Variants in DENND1A observed in about 807,000 individuals in gnomAD.
DENND1A encodes the protein DENN domain containing 1A, also known as DENN domain-containing protein 1A.
In DENND1A, 51 loss-of-function variants were observed where a neutral mutation model predicts 113.7. That is an observed-to-expected ratio of 0.45 (90% CI 0.36 to 0.57). The LOEUF (loss-of-function observed/expected upper bound fraction) is 0.57, where lower values mean the gene tolerates loss of function less well. Ranked by LOEUF, DENND1A falls within the 20% of genes least tolerant of loss-of-function variation. DENND1A has a pLI of 0.00. For synonymous variants in DENND1A, 565 were observed against 570.8 expected (o/e 0.99, Z 0.14); for missense variants, 1,258 against 1,395.9 (o/e 0.90, Z 1.57).
intron 19 of DENND1A, among the ~76,000 whole-genome samples, chr9:123,434,484 ACAAT>A (rs1483238023): frequency 6.6e-6 from 1 of 152,260 alleles, no homozygotes; most frequent in Non-Finnish European, 1.5e-5. Context: ...TGCTTCAACA[ACAAT>A]CAATTATTCC....
intron 11 of DENND1A, among the ~76,000 whole-genome samples, chr9:123,597,168 C>T (rs1359946995): frequency 6.6e-6 from 1 of 152,208 alleles, no homozygotes; most frequent in East Asian, 1.9e-4. Flanking sequence ...CCCATCTCCA[C>T]CTGCCTTTTA....
At chr9:123,555,796 G>A (rs762638952) in intron 13 of DENND1A, among the ~76,000 whole-genome samples, 12 of 152,140 alleles carry the variant, frequency 7.9e-5, no homozygotes, top group Non-Finnish European at 1.3e-4. Flanking sequence ...AACTCCTCCC[G>A]TGGAGGAGCC....
chr9:123,396,020 A>G (rs1171620956), intron 21 of DENND1A, among the ~76,000 whole-genome samples: 2 of 152,016 alleles, frequency 1.3e-5, no homozygotes, highest in Admixed American at 1.3e-4. Context: ...ACAAAGAGAA[A>G]GCTACAACAT....
At chr9:123,686,790 T>C (rs1379140056) in intron 5 of DENND1A, among the ~76,000 whole-genome samples, 1 of 152,236 alleles carries the variant, frequency 6.6e-6, no homozygotes, top group East Asian at 1.9e-4. Flanking sequence ...AAACAGACTG[T>C]GTTGCCTTTT....
At chr9:123,400,209 C>A (rs2043358647) in intron 21 of DENND1A, 1 of 152,196 alleles carries the variant, frequency 6.6e-6, no homozygotes, top group African/African-American at 2.4e-5. Flanking sequence ...TTGCCAACGG[C>A]CAGTTTTAAG....
intron 13 of DENND1A, among the ~76,000 whole-genome samples, chr9:123,548,509 T>C (rs1423167662): frequency 6.6e-6 from 1 of 152,124 alleles, no homozygotes; most frequent in Non-Finnish European, 1.5e-5. Flanking sequence ...ATTTTGGAGG[T>C]TCCTCAAAAA....
chr9:123,476,465 T>C (rs1386938324), intron 13 of DENND1A, among the ~76,000 whole-genome samples: 3 of 152,164 alleles, frequency 2.0e-5, no homozygotes, highest in Non-Finnish European at 4.4e-5. Context: ...GCTCCTTCCC[T>C]GTGAGTTTCA....
At chr9:123,393,813 C>G (rs7045176) in intron 21 of DENND1A, among the ~76,000 whole-genome samples, 83,887 of 151,940 alleles carry the variant, frequency 0.55, 23,882 homozygotes, top group Non-Finnish European at 0.65. Context: ...CACCAGCATG[C>G]TCTGCCTGTT....
intron 12 of DENND1A, among the ~76,000 whole-genome samples, chr9:123,573,905 T>C (rs1449397230): frequency 6.6e-6 from 1 of 152,078 alleles, no homozygotes; most frequent in Non-Finnish European, 1.5e-5. Context: ...CTTTTCTAGA[T>C]GCTCTCTATC....
intron 11 of DENND1A, among the ~76,000 whole-genome samples, chr9:123,596,721 C>A (rs1313151703): frequency 2.0e-5 from 3 of 152,208 alleles, no homozygotes; most frequent in Non-Finnish European, 4.4e-5. Context: ...AGTGCTGAAA[C>A]ACAGTGGCAA....
At chr9:123,457,312 C>G (rs757250005) in intron 15 of DENND1A, 36 bp downstream of exon 15, 1 of 1,530,808 alleles carries the variant, frequency 6.5e-7, no homozygotes, top group Non-Finnish European at 9.1e-7. Context: ...ATGATAGCAG[C>G]CTGCAGCCCC....
chr9:123,861,900 C>T (rs1367958738), intron 2 of DENND1A, among the ~76,000 whole-genome samples: 2 of 152,152 alleles, frequency 1.3e-5, no homozygotes, highest in Non-Finnish European at 2.9e-5. Context: ...TCTAAGCACA[C>T]TTACAGACAC....
chr9:123,801,572 C>T (rs1193372543), intron 2 of DENND1A, among the ~76,000 whole-genome samples: 13 of 152,158 alleles, frequency 8.5e-5, no homozygotes, highest in Admixed American at 8.5e-4. Context: ...GTGAATAATG[C>T]TGCTATGAAC....
At chr9:123,458,333 T>C (rs2048291497) in intron 13 of DENND1A, among the ~76,000 whole-genome samples, 1 of 152,166 alleles carries the variant, frequency 6.6e-6, no homozygotes, top group Admixed American at 6.5e-5. Flanking sequence ...CCTCTGATAG[T>C]TAGAAATAGC....
chr9:123,393,658 C>G (rs1467073173), intron 21 of DENND1A, among the ~76,000 whole-genome samples: 1 of 152,146 alleles, frequency 6.6e-6, no homozygotes, highest in Non-Finnish European at 1.5e-5. Flanking sequence ...CTGTGCGACC[C>G]AGGATAAGGG....
chr9:123,617,551 G>A (rs1331723797), intron 10 of DENND1A, among the ~76,000 whole-genome samples: 1 of 152,132 alleles, frequency 6.6e-6, no homozygotes, highest in African/African-American at 2.4e-5. Flanking sequence ...ATGAACACAT[G>A]AGTTACAAAG....
chr9:123,634,876 C>T (rs1033173279), intron 9 of DENND1A, among the ~76,000 whole-genome samples: 1 of 152,216 alleles, frequency 6.6e-6, no homozygotes, highest in African/African-American at 2.4e-5. Flanking sequence ...AGCCAGGACA[C>T]AGACTGTACA....
chr9:123,389,534 T>G (rs1241613164), intron 21 of DENND1A, among the ~76,000 whole-genome samples: 1 of 152,272 alleles, frequency 6.6e-6, no homozygotes, highest in East Asian at 1.9e-4. Context: ...CTCCTGCCAC[T>G]TCCACAGCAA....
intron 13 of DENND1A, among the ~76,000 whole-genome samples, chr9:123,541,373 C>T (rs1056699785): frequency 2.0e-5 from 3 of 152,194 alleles, no homozygotes; most frequent in African/African-American, 7.2e-5. Context: ...CTTATCAACC[C>T]AGGATAAAAC....
Sources: gnomAD v4.1 joint callset for allele counts (sites outside exome capture counted in the v4.1 genomes callset) on GRCh38, gnomAD v4.1.1 for gene constraint, MANE v1.5 for transcripts, NCBI Gene and HGNC (gene_info 2026-07-23, HGNC 2026-07-21) for gene names.